The following MOB3B variants were observed in gnomAD, a reference collection of about 807,000 sequenced individuals.
MOB3B encodes MOB kinase activator 3B.
Under a neutral mutation model 18.7 loss-of-function variants are expected in MOB3B, and 7 were observed. That is an observed-to-expected ratio of 0.37 (90% confidence interval 0.21 to 0.70). The LOEUF is 0.70. MOB3B is among the 30% of genes least tolerant of loss of function. The pLI is 0.52. For missense variants in MOB3B, 253 were observed against 281.3 expected, an observed-to-expected ratio of 0.90 and a Z score of 0.72; for synonymous variants, 111 against 99.9, an observed-to-expected ratio of 1.11 and a Z score of -0.66.
intron 2 of MOB3B, among the ~76,000 whole-genome samples, chr9:27,416,708 GT>G (rs753120961): frequency 7.8e-5 from 11 of 140,172 alleles, no homozygotes; most frequent in African/African-American, 2.8e-4. Flanking sequence ...CAATTTTTAA[GT>G]TTTTTTTGTA....
intron 2 of MOB3B, among the ~76,000 whole-genome samples, chr9:27,424,500 A>G (rs78500699): frequency 0.026 from 3,900 of 152,264 alleles, 78 homozygotes; most frequent in Non-Finnish European, 0.036. Context: ...CTGTTCTTAT[A>G]TGAATCAAAC....
intron 3 of MOB3B, among the ~76,000 whole-genome samples, chr9:27,350,731 C>A (rs972367136): frequency 3.7e-4 from 56 of 152,122 alleles, no homozygotes; most frequent in African/African-American, 1.2e-3. Flanking sequence ...CTGGCAGGCC[C>A]TCCCACTAAT....
chr9:27,489,258 T>C (rs1231503985), intron 1 of MOB3B, among the ~76,000 whole-genome samples: 3 of 152,202 alleles, frequency 2.0e-5, no homozygotes, highest in African/African-American at 4.8e-5. Context: ...CAACTACACA[T>C]AGAAATCCAA....
chr9:27,337,258 C>T (rs145173712), intron 3 of MOB3B, among the ~76,000 whole-genome samples: 1,624 of 152,342 alleles, frequency 0.011, 32 homozygotes, highest in African/African-American at 0.037. Context: ...TTTCTGGAAG[C>T]CTTTCGTCTC....
At chr9:27,330,668 G>T in intron 3 of MOB3B, 52 bp from the exon 4 acceptor site, 1 of 1,611,712 alleles carries the variant, frequency 6.2e-7, no homozygotes, top group Non-Finnish European at 8.5e-7. Flanking sequence ...GCAGAGCAAC[G>T]ATTTGGTGAA....
In MOB3B at chr9:27,329,883, C is replaced by T. The variant is rs1820762278; in HGVS notation, c.*704G>A. 6.6e-6 allele frequency: 1 copy of T among 152,588 alleles called. No homozygotes were observed. The highest frequency in any genetic ancestry group is 6.5e-5 in the Admixed American group (1 of 15,282). 9.5% of individuals were successfully genotyped at this position (152,588 alleles called of 1,614,324 possible). On this transcript the variant is annotated 3_prime_UTR_variant, in exon 4 of 4. Transcript: ENST00000262244. ...TCAGCTTTACGCTAGTAACCAGTCT[C>T]TTCCCTGCAGTTAGAACGTGAAGAC...
intron 2 of MOB3B, among the ~76,000 whole-genome samples, chr9:27,439,422 C>T (rs532128516): frequency 9.9e-5 from 15 of 152,266 alleles, no homozygotes; most frequent in African/African-American, 3.1e-4. Context: ...TACATATACA[C>T]ACTCAACATT....
intron 2 of MOB3B, among the ~76,000 whole-genome samples, chr9:27,427,024 T>TTGCC (rs1326561026): frequency 1.3e-5 from 2 of 152,262 alleles, no homozygotes; most frequent in Admixed American, 6.5e-5. Context: ...ACATCCAAGT[T>TTGCC]TGCCATGAGC....
At chr9:27,413,420 G>T (rs1163894282) in intron 2 of MOB3B, among the ~76,000 whole-genome samples, 1 of 152,160 alleles carries the variant, frequency 6.6e-6, no homozygotes, top group African/African-American at 2.4e-5. Context: ...AAGAACAAAG[G>T]GAGGACCACT....
chr9:27,411,168 T>A (rs1563862021), intron 2 of MOB3B, among the ~76,000 whole-genome samples: 1 of 152,222 alleles, frequency 6.6e-6, no homozygotes. Flanking sequence ...TCTTCCCTAA[T>A]AAGTGGCTTC....
chr9:27,339,627 A>G (rs899626175), intron 3 of MOB3B, among the ~76,000 whole-genome samples: 2 of 152,246 alleles, frequency 1.3e-5, no homozygotes, highest in African/African-American at 4.8e-5. Context: ...CTTATTTTAC[A>G]GAGGGGTAAT....
intron 2 of MOB3B, among the ~76,000 whole-genome samples, chr9:27,429,936 T>C (rs1822393422): frequency 6.6e-6 from 1 of 152,184 alleles, no homozygotes; most frequent in Non-Finnish European, 1.5e-5. Flanking sequence ...TAAGTTAGTG[T>C]CTGAGGCAGA....
intron 1 of MOB3B, among the ~76,000 whole-genome samples, chr9:27,461,091 C>T (rs951042076): frequency 1.3e-4 from 20 of 152,216 alleles, no homozygotes; most frequent in African/African-American, 3.9e-4. Context: ...TGAAATTCCA[C>T]CTCTTCAGAA....
At chr9:27,350,478 A>G (rs1050092140) in intron 3 of MOB3B, among the ~76,000 whole-genome samples, 1 of 152,192 alleles carries the variant, frequency 6.6e-6, no homozygotes. Flanking sequence ...ATCTCTGACC[A>G]AATTAGAAAC....
chr9:27,491,357 G>C (rs1012088810), intron 1 of MOB3B, among the ~76,000 whole-genome samples: 1 of 152,126 alleles, frequency 6.6e-6, no homozygotes, highest in African/African-American at 2.4e-5. Context: ...ACAGATGATG[G>C]GAGGCTTTGA....
At chr9:27,420,572 T>C (rs1822231291) in intron 2 of MOB3B, among the ~76,000 whole-genome samples, 1 of 123,244 alleles carries the variant, frequency 8.1e-6, no homozygotes, top group African/African-American at 3.1e-5. Context: ...TATATATATA[T>C]ATATATATAT....
intron 3 of MOB3B, among the ~76,000 whole-genome samples, chr9:27,355,672 GC>G (rs1252361891): frequency 6.6e-6 from 1 of 150,574 alleles, no homozygotes; most frequent in Non-Finnish European, 1.5e-5. Context: ...CCATTCTCCT[GC>G]CTCAGCCTCC....
intron 2 of MOB3B, among the ~76,000 whole-genome samples, 168 bp downstream of exon 2, chr9:27,454,965 A>C (rs1043785797): frequency 6.6e-6 from 1 of 152,158 alleles, no homozygotes; most frequent in South Asian, 2.1e-4. Context: ...AGTGGTCCAT[A>C]AAGTTTTTTT....
intron 1 of MOB3B, among the ~76,000 whole-genome samples, chr9:27,483,125 C>CTTTTTTTTTT (rs71492747): frequency 1.5e-5 from 1 of 68,544 alleles, no homozygotes; most frequent in Admixed American, 2.5e-4. Flanking sequence ...ATATACGGTA[C>CTTTTTTTTTT]TTTTTTTTTT....
Sources: gnomAD v4.1 joint callset for allele counts (sites outside exome capture counted in the v4.1 genomes callset) on GRCh38, gnomAD v4.1.1 for gene constraint, MANE v1.5 for transcripts, NCBI Gene and HGNC (gene_info 2026-07-23, HGNC 2026-07-21) for gene names.